Variants in ATP1A1 observed in about 807,000 individuals in gnomAD.
ATP1A1 encodes the protein ATPase Na+/K+ transporting subunit alpha 1.
ATP1A1 carries 14 observed loss-of-function variants against 114.8 expected under a neutral mutation model. The ratio of observed to expected loss-of-function variants is 0.12; its 90% CI spans 0.08 to 0.19. The LOEUF is 0.19. Among genes scored for constraint, ATP1A1 ranks in the 10% least tolerant of loss-of-function variants. The pLI is 1.00. For synonymous variants in ATP1A1, 471 were observed against 466.3 expected (o/e 1.01, Z -0.13); for missense variants, 524 against 1,290.7 (o/e 0.41, Z 9.10).
intron 9 of ATP1A1, 47 bp from the exon 10 acceptor site, chr1:116,390,735 T>C (rs747786900): frequency 6.8e-7 from 1 of 1,470,066 alleles, no homozygotes; most frequent in African/African-American, 1.4e-5. Flanking sequence ...ACACAGCCTT[T>C]GAAGTTAATG....
Position 116,373,416 on chromosome 1 carries a change from C to G in ATP1A1, c.-96C>G. 2 of 1,144,418 alleles carry G rather than the reference C, an allele frequency of 1.7e-6. No individual in the cohort carries two copies. Among genetic ancestry groups the G allele is most frequent in the Admixed American group, 2.7e-5 (1 of 37,312 alleles). The allele number at this position is 1,144,418 out of a possible 1,614,324, so 70.9% of individuals were successfully genotyped here. A position where few individuals can be genotyped will look rare whatever the true frequency, so the allele number is the denominator to read the frequency against. On this transcript the variant is annotated 5_prime_UTR_variant, in exon 1 of 23. Transcript: ENST00000295598. ...CAGCCCTAGCTCCCTCCACTTGGCTCCCCTGGTCCCGCTCGCTCGGCCGGG... is the reference window on the plus strand; with the variant it reads ...CAGCCCTAGCTCCCTCCACTTGGCTGCCCTGGTCCCGCTCGCTCGGCCGGG...
In ATP1A1 at chr1:116,388,347, C is replaced by T; in HGVS notation, c.501+103C>T. 9.3e-7 allele frequency: 1 copy of T among 1,075,286 alleles called. No individual in the cohort carries two copies. Among genetic ancestry groups the T allele is most frequent in the Non-Finnish European group, 1.4e-6 (1 of 725,284 alleles). The allele number at this position is 1,075,286 out of a possible 1,614,324, so 66.6% of individuals were successfully genotyped here. ...AAGGTTTTCCAAGTATTACATGACT[C>T]ATCAGAGAGATGGATGTCTTCTACC... On this transcript the variant is annotated intron_variant, in intron 5 of 22. Transcript: ENST00000295598. This position sits in a 1 kb window ranked among gnomAD's most constrained non-coding sequence, Gnocchi z 5.6.
At position 116,387,627 on chromosome 1, in the gene ATP1A1, T is replaced by G; in HGVS notation, c.387+136T>G. On this transcript the variant is annotated intron_variant, in intron 4 of 22. Coordinates refer to ENST00000295598, the MANE Select transcript of ATP1A1 (RefSeq NM_000701.8). The surrounding 1 kb of genome is among the most constrained non-coding windows in gnomAD (Gnocchi z 6.7). ...ATTACTTAATGGTTATGAACAGCTGTTGCCTTCAAGGCTCATCCATTCTTC... is the reference window on the plus strand; with the variant it reads ...ATTACTTAATGGTTATGAACAGCTGGTGCCTTCAAGGCTCATCCATTCTTC... 111 of 928,350 alleles carry G rather than the reference T, an allele frequency of 1.2e-4. No homozygotes were observed. Among genetic ancestry groups the G allele is most frequent in the Non-Finnish European group, 1.4e-4 (90 of 628,790 alleles). 57.5% of individuals were successfully genotyped at this position (928,350 alleles called of 1,614,324 possible). A position where few individuals can be genotyped will look rare whatever the true frequency, so the allele number is the denominator to read the frequency against.
At position 116,393,113 on chromosome 1, in the gene ATP1A1, C is replaced by A; in HGVS notation, c.1467+125C>A. 1 of 1,370,932 alleles carries A rather than the reference C, an allele frequency of 7.3e-7. No individual in the cohort carries two copies. The highest frequency in any genetic ancestry group is 9.8e-7 in the Non-Finnish European group (1 of 1,015,988). The allele number at this position is 1,370,932 out of a possible 1,614,324, so 84.9% of individuals were successfully genotyped here. ...TATAAGCTTTAGCTTTAAATTTTGCCCTTGATTACCATAGAATGCCATAAT... is the reference window on the plus strand; with the variant it reads ...TATAAGCTTTAGCTTTAAATTTTGCACTTGATTACCATAGAATGCCATAAT... On this transcript the variant is annotated intron_variant, in intron 11 of 22. Transcript: ENST00000295598. The surrounding 1 kb of genome is among the most constrained non-coding windows in gnomAD (Gnocchi z 5.0).
At position 116,388,682 on chromosome 1, in the gene ATP1A1, G is replaced by A. The variant is rs184897904; in HGVS notation, c.546G>A (p.Ala182=). The change falls in exon 6 of 23, where the codon GCG becomes GCA. Residue 182 remains alanine (A), a synonymous_variant. Coordinates refer to ENST00000295598, the MANE Select transcript of ATP1A1 (RefSeq NM_000701.8). This position sits in a 1 kb window ranked among gnomAD's most constrained non-coding sequence, Gnocchi z 5.6. ...IRNGEKMSIN[A]EEVVVGDLVE... is the part of the protein sequence containing the mutation. The stretch of plus-strand genomic sequence containing the variant: ...ATGGTGAGAAAATGAGCATAAATGC[G>A]GAGGAAGTTGTGGTTGGGGATCTGG... The A allele has an allele frequency of 9.4e-5, 151 of 1,614,168 alleles. No individual in the cohort carries two copies. In the East Asian group the frequency reaches 2.8e-3, roughly 30 times the overall value.
Position 116,384,935 on chromosome 1 carries a change from TA to T in ATP1A1, c.183+94del, listed in dbSNP as rs1431980517. On this transcript the variant is annotated intron_variant, in intron 3 of 22. Coordinates refer to ENST00000295598, the MANE Select transcript of ATP1A1 (RefSeq NM_000701.8). The surrounding 1 kb of genome is among the most constrained non-coding windows in gnomAD (Gnocchi z 5.1). ...CATACAGGTCTAACCTCAGGGGCTC[TA>T]GTAAGAAAATGACAGACACCATCTG... The T allele has an allele frequency of 2.4e-6, 3 of 1,273,072 alleles. No homozygotes were observed. The highest frequency in any genetic ancestry group is 3.4e-6 in the Non-Finnish European group (3 of 880,064). 78.9% of individuals were successfully genotyped at this position (1,273,072 alleles called of 1,614,324 possible).
Position 116,388,285 on chromosome 1 carries a change from GC to G in ATP1A1, c.501+45del. ...TCCTTCCCCAGTGGATGACTTGACA[GC>G]CCCAAGCATGTCAGCCTGTGAATTA... On this transcript the variant is annotated intron_variant, in intron 5 of 22. Transcript: ENST00000295598. The surrounding 1 kb of genome is among the most constrained non-coding windows in gnomAD (Gnocchi z 5.6). 6.9e-7 allele frequency: 1 copy of G among 1,448,084 alleles called. No homozygotes were observed. Among genetic ancestry groups the G allele is most frequent in the Non-Finnish European group, 9.7e-7 (1 of 1,029,852 alleles). 89.7% of individuals were successfully genotyped at this position (1,448,084 alleles called of 1,614,324 possible).
At position 116,404,026 on chromosome 1, in the gene ATP1A1, A is replaced by C; in HGVS notation, c.3043+51A>C. 1 of 1,557,360 alleles carries C rather than the reference A, an allele frequency of 6.4e-7. No homozygotes were observed. Among genetic ancestry groups the C allele is most frequent in the South Asian group, 1.1e-5 (1 of 88,362 alleles). On this transcript the variant is annotated intron_variant, in intron 22 of 22. Transcript: ENST00000295598. The surrounding 1 kb of genome is among the most constrained non-coding windows in gnomAD (Gnocchi z 4.8). ...TTGGAGGAGGAGTGGGAGGGGCTAT[A>C]GTTCTATTGGTTTTTTGTTTCCCTC...
chr1:116,387,501 G>A lies in ATP1A1; in HGVS notation c.387+10G>A. On this transcript the variant is annotated intron_variant, in intron 4 of 22. Coordinates refer to ENST00000295598, the MANE Select transcript of ATP1A1 (RefSeq NM_000701.8). This position sits in a 1 kb window ranked among gnomAD's most constrained non-coding sequence, Gnocchi z 6.7. ...ACCTCAAAACGATAATGTGAGTTCT[G>A]TAATTCAGCATATGGATTTGTAGTA... is the stretch of plus-strand genomic sequence containing the variant. 2 of 1,613,882 alleles carry A rather than the reference G, an allele frequency of 1.2e-6. No homozygotes were observed. The highest frequency in any genetic ancestry group is 1.7e-6 in the Non-Finnish European group (2 of 1,179,808).
intron 12 of ATP1A1, 145 bp from the exon 13 acceptor site, chr1:116,394,965 C>G: frequency 1.3e-6 from 1 of 755,088 alleles, no homozygotes; most frequent in East Asian, 2.7e-5. Flanking sequence ...TAAATAAAAC[C>G]CTCACTCTGT....
rs1426066569 is a variant in ATP1A1, at chr1:116,388,058, A to G, written c.388-73A>G. On this transcript the variant is annotated intron_variant, in intron 4 of 22. Coordinates refer to ENST00000295598, the MANE Select transcript of ATP1A1 (RefSeq NM_000701.8). This position sits in a 1 kb window ranked among gnomAD's most constrained non-coding sequence, Gnocchi z 5.6. ...TCTATTAAAAATCTGTTTTTTATTC[A>G]GTCAAAAAATTAATTGAATGTCCCT... 5 of 972,886 alleles carry G rather than the reference A, an allele frequency of 5.1e-6. No individual in the cohort carries two copies. Among genetic ancestry groups the G allele is most frequent in the African/African-American group, 1.7e-5 (1 of 60,094 alleles). 60.3% of individuals were successfully genotyped at this position (972,886 alleles called of 1,614,324 possible). A position where few individuals can be genotyped will look rare whatever the true frequency, so the allele number is the denominator to read the frequency against.
intron 12 of ATP1A1, among the ~76,000 whole-genome samples, chr1:116,394,484 G>A (rs1652740778): frequency 7.9e-6 from 1 of 125,802 alleles, no homozygotes; most frequent in South Asian, 2.1e-4. Context: ...AGTGGAAGCA[G>A]TCTCTCTTCT....
Position 116,388,590 on chromosome 1 carries a change from C to T in ATP1A1, c.502-48C>T. ...TTTATTTTCTTGTTTTGGACACTAC[C>T]TTCTCTTTGTTGGTATACTAACGGT... On this transcript the variant is annotated intron_variant, in intron 5 of 22. Coordinates refer to ENST00000295598, the MANE Select transcript of ATP1A1 (RefSeq NM_000701.8). The surrounding 1 kb of genome is among the most constrained non-coding windows in gnomAD (Gnocchi z 5.6). 3 of 1,586,284 alleles carry T rather than the reference C, an allele frequency of 1.9e-6. No homozygotes were observed. The highest frequency in any genetic ancestry group is 2.6e-6 in the Non-Finnish European group (3 of 1,164,084).
rs1288591403 is a variant in ATP1A1, at chr1:116,399,314, C to T, written c.2449-106C>T. 6.8e-7 allele frequency: 1 copy of T among 1,469,848 alleles called. No individual in the cohort carries two copies. The highest frequency in any genetic ancestry group is 9.2e-7 in the Non-Finnish European group (1 of 1,085,710). 91.1% of individuals were successfully genotyped at this position (1,469,848 alleles called of 1,614,324 possible). On this transcript the variant is annotated intron_variant, in intron 17 of 22. Coordinates refer to ENST00000295598, the MANE Select transcript of ATP1A1 (RefSeq NM_000701.8). The surrounding 1 kb of genome is among the most constrained non-coding windows in gnomAD (Gnocchi z 5.0). ...GGAATCTTTATTTTTGTATACTTCACCTAAAAGATTTTTAAATGGGAGGGC... is the reference window on the plus strand; with the variant it reads ...GGAATCTTTATTTTTGTATACTTCATCTAAAAGATTTTTAAATGGGAGGGC...
chr1:116,399,615 A>G lies in ATP1A1; in HGVS notation c.2572+72A>G, dbSNP rs1653252225. On this transcript the variant is annotated intron_variant, in intron 18 of 22. Transcript: ENST00000295598. This position sits in a 1 kb window ranked among gnomAD's most constrained non-coding sequence, Gnocchi z 5.0. ...AGGTGATGGTGTCCACCTCAGGTTG[A>G]GGTTGATTTCAGAGACTGCAAATCC... The G allele has an allele frequency of 6.3e-7, 1 of 1,591,178 alleles. No homozygotes were observed. Among genetic ancestry groups the G allele is most frequent in the East Asian group, 2.2e-5 (1 of 44,654 alleles).
chr1:116,387,610 A>G lies in ATP1A1; in HGVS notation c.387+119A>G. ...TTAATGGTTATGAACTCATTACTTA[A>G]TGGTTATGAACAGCTGTTGCCTTCA... On this transcript the variant is annotated intron_variant, in intron 4 of 22. Coordinates refer to ENST00000295598, the MANE Select transcript of ATP1A1 (RefSeq NM_000701.8). The surrounding 1 kb of genome is among the most constrained non-coding windows in gnomAD (Gnocchi z 6.7). 8.8e-7 allele frequency: 1 copy of G among 1,139,716 alleles called. No homozygotes were observed. Among genetic ancestry groups the G allele is most frequent in the Non-Finnish European group, 1.2e-6 (1 of 806,150 alleles). The allele number at this position is 1,139,716 out of a possible 1,614,324, so 70.6% of individuals were successfully genotyped here. A position where few individuals can be genotyped will look rare whatever the true frequency, so the allele number is the denominator to read the frequency against.
At position 116,390,073 on chromosome 1, in the gene ATP1A1, CTTA is replaced by C. The variant is rs1008415525; in HGVS notation, c.1024-134_1024-132del. On this transcript the variant is annotated intron_variant, in intron 8 of 22. Coordinates refer to ENST00000295598, the MANE Select transcript of ATP1A1 (RefSeq NM_000701.8). ...GGGGAAGCCTCATGTATGGGTTCCCCTTATTATTTCTTCAAACTTCAGAAGAAG... is the reference window on the plus strand; with the variant it reads ...GGGGAAGCCTCATGTATGGGTTCCCCTTATTTCTTCAAACTTCAGAAGAAG... 6 of 902,462 alleles carry C rather than the reference CTTA, an allele frequency of 6.6e-6. No homozygotes were observed. The African/African-American group carries it at 8.4e-5, about 13-fold the overall frequency. 55.9% of individuals were successfully genotyped at this position (902,462 alleles called of 1,614,324 possible).
rs1371995241 is a variant in ATP1A1 at position 116,393,116 on chromosome 1, T to G, written c.1467+128T>G. ...AAGCTTTAGCTTTAAATTTTGCCCT[T>G]GATTACCATAGAATGCCATAATTTA... On this transcript the variant is annotated intron_variant, in intron 11 of 22. Transcript: ENST00000295598. The surrounding 1 kb of genome is among the most constrained non-coding windows in gnomAD (Gnocchi z 5.0). 1.5e-6 allele frequency: 2 copies of G among 1,357,938 alleles called. No homozygotes were observed. The highest frequency in any genetic ancestry group is 2.9e-5 in the African/African-American group (2 of 68,160). 84.1% of individuals were successfully genotyped at this position (1,357,938 alleles called of 1,614,324 possible).
chr1:116,374,305 G>A, intron 1 of ATP1A1: 11 of 1,549,346 alleles, frequency 7.1e-6, no homozygotes, highest in Non-Finnish European at 9.6e-6. Context: ...ATGGCAACTG[G>A]AGTTGTCATC....
Sources: gnomAD v4.1 joint callset for allele counts (sites outside exome capture counted in the v4.1 genomes callset) on GRCh38, gnomAD v4.1.1 for gene constraint, Gnocchi (gnomAD v3.1) non-coding constraint, MANE v1.5 for transcripts, NCBI Gene and HGNC (gene_info 2026-07-23, HGNC 2026-07-21) for gene names.